The following GPR139 variants were observed in gnomAD, a reference collection of about 807,000 sequenced individuals.
GPR139 encodes G protein-coupled receptor 139.
In GPR139, 12 loss-of-function variants were observed where a neutral mutation model predicts 25.8. The ratio of observed to expected loss-of-function variants is 0.47; its 90% CI spans 0.30 to 0.75. The LOEUF (loss-of-function observed/expected upper bound fraction) is 0.75, where lower values mean the gene tolerates loss of function less well. Ranked by LOEUF, GPR139 falls within the 30% of genes least tolerant of loss-of-function variation. GPR139 has a pLI of 0.07. For synonymous variants in GPR139, 184 were observed against 179.9 expected (o/e 1.02, Z -0.18); for missense variants, 380 against 450.2 (o/e 0.84, Z 1.41).
At chr16:20,035,839 G>A (rs901933043) in intron 1 of GPR139, among the ~76,000 whole-genome samples, 2 of 152,240 alleles carry the variant, frequency 1.3e-5, no homozygotes, top group Non-Finnish European at 2.9e-5. Context: ...TGCTTGCTTT[G>A]TAAGCATCCT....
chr16:20,032,148 G>T lies in GPR139; in HGVS notation c.649C>A (p.Arg217Ser). 6.2e-7 allele frequency: 1 copy of T among 1,614,200 alleles called. No individual in the cohort carries two copies. The highest frequency in any genetic ancestry group is 8.5e-7 in the Non-Finnish European group (1 of 1,180,034). The change falls in exon 2 of 2, where the codon CGT becomes AGT. Residue 217 changes from arginine to serine, a missense_variant. Arg to Ser is a moderately radical substitution (Grantham distance 110). Coordinates refer to ENST00000570682, the MANE Select transcript of GPR139 (RefSeq NM_001002911.4). ...VYKLRRKSNF[R>S]LRGYSTGKTT... Reference sequence around the variant, plus strand: ...TTCCCCGTGGAGTAGCCACGGAGACGAAAATTGCTCTTCCTCCTGAGCTTG... The same window carrying T: ...TTCCCCGTGGAGTAGCCACGGAGACTAAAATTGCTCTTCCTCCTGAGCTTG...
At chr16:20,060,177 T>C (rs2057406554) in intron 1 of GPR139, among the ~76,000 whole-genome samples, 4 of 152,144 alleles carry the variant, frequency 2.6e-5, no homozygotes, top group Admixed American at 2.6e-4. Context: ...GAGGCTGGAA[T>C]GCTAAAAGTT....
intron 1 of GPR139, among the ~76,000 whole-genome samples, chr16:20,054,092 T>A (rs1482515818): frequency 6.6e-6 from 1 of 152,212 alleles, no homozygotes. Flanking sequence ...GGCCACATTC[T>A]TAGTCCCTAG....
rs371060930 is a variant in GPR139, at chr16:20,032,351, A to G, written c.446T>C (p.Ile149Thr). Reference sequence around the variant, plus strand: ...GAAGCAGGTGATGTAAACACTTACAATGACTTTCCGGGTGCGGGCTGGGTA... The same window carrying G: ...GAAGCAGGTGATGTAAACACTTACAGTGACTTTCCGGGTGCGGGCTGGGTA... ...VSYPARTRKV[I>T]VSVYITCFLT... Residue 149 changes from isoleucine (I) to threonine (T), a missense_variant, in exon 2 of 2, where the codon ATT (isoleucine) becomes ACT (threonine). By Grantham distance (89) the Ile-to-Thr change is moderately conservative. Transcript: ENST00000570682. 20 of 1,614,096 alleles carry G rather than the reference A, an allele frequency of 1.2e-5. No homozygotes were observed. In the East Asian group the frequency reaches 1.3e-4, roughly 11 times the overall value.
intron 1 of GPR139, among the ~76,000 whole-genome samples, chr16:20,058,585 T>C (rs968598780): frequency 1.3e-5 from 2 of 152,178 alleles, no homozygotes; most frequent in African/African-American, 4.8e-5. Flanking sequence ...CTGCGAGCTA[T>C]GTCTGCCATT....
chr16:20,054,730 C>CT (rs1273555811), intron 1 of GPR139, among the ~76,000 whole-genome samples: 1 of 151,096 alleles, frequency 6.6e-6, no homozygotes, highest in East Asian at 1.9e-4. Flanking sequence ...TTCTTTCCTT[C>CT]TTTTTTCTTT....
rs142100378 is a variant in GPR139, at chr16:20,032,426, A to G, written c.371T>C (p.Ile124Thr). The G allele has an allele frequency of 3.5e-5, 57 of 1,614,080 alleles. No homozygotes were observed. The highest frequency in any genetic ancestry group is 4.4e-5 in the Non-Finnish European group (52 of 1,180,044). ...TSIWITVPLT[I>T]DRYIAVCHPL... is the part of the protein sequence containing the mutation. ...GTGGCAGACAGCGATATACCTGTCAATGGTTAACGGTACAGTAATCCATAT... is the reference window on the plus strand; with the variant it reads ...GTGGCAGACAGCGATATACCTGTCAGTGGTTAACGGTACAGTAATCCATAT... The change falls in exon 2 of 2, where the codon ATT becomes ACT. Residue 124 changes from isoleucine (I) to threonine (T), a missense_variant. By Grantham distance (89) the Ile-to-Thr change is moderately conservative. Transcript: ENST00000570682.
intron 1 of GPR139, among the ~76,000 whole-genome samples, chr16:20,065,086 G>T (rs1454129562): frequency 6.6e-6 from 1 of 151,674 alleles, no homozygotes; most frequent in African/African-American, 2.4e-5. Context: ...TGACCCCATT[G>T]GTGTTTTTTG....
At chr16:20,056,762 C>T (rs780774363) in intron 1 of GPR139, among the ~76,000 whole-genome samples, 12 of 152,092 alleles carry the variant, frequency 7.9e-5, no homozygotes, top group South Asian at 2.1e-4. Context: ...TCTAAGTACT[C>T]GACTGAAATT....
intron 1 of GPR139, among the ~76,000 whole-genome samples, chr16:20,055,408 C>T (rs1252265950): frequency 2.0e-5 from 3 of 152,196 alleles, no homozygotes; most frequent in Non-Finnish European, 4.4e-5. Context: ...CACTCTGTCT[C>T]CTGGGTCCCC....
In GPR139 at chr16:20,030,167, A is replaced by G. The variant is rs557651357; in HGVS notation, c.*1568T>C. On this transcript the variant is annotated 3_prime_UTR_variant, in exon 2 of 2. Transcript: ENST00000570682. Reference sequence around the variant, plus strand: ...TTGCCATGGGGCCTTTTCTTATCCCATTCATTTATTGCAAATTCCCTTAAA... The same window carrying G: ...TTGCCATGGGGCCTTTTCTTATCCCGTTCATTTATTGCAAATTCCCTTAAA... Among the ~76,000 whole-genome samples the G allele has an allele frequency of 3.3e-5, 5 of 152,316 alleles. No individual in the cohort carries two copies. The East Asian group carries it at 7.7e-4, about 24-fold the overall frequency.
At chr16:20,041,053 T>G (rs1394534632) in intron 1 of GPR139, among the ~76,000 whole-genome samples, 2 of 148,940 alleles carry the variant, frequency 1.3e-5, no homozygotes, top group African/African-American at 2.5e-5. Flanking sequence ...GAGGTTGCAG[T>G]GAGCTGAGCT....
At chr16:20,058,181 T>TA (rs2057397995) in intron 1 of GPR139, among the ~76,000 whole-genome samples, 1 of 152,204 alleles carries the variant, frequency 6.6e-6, no homozygotes, top group African/African-American at 2.4e-5. Flanking sequence ...ATTTTACGGA[T>TA]ATGTAGAGGT....
chr16:20,066,398 G>A (rs1219797685), intron 1 of GPR139, among the ~76,000 whole-genome samples: 1 of 152,218 alleles, frequency 6.6e-6, no homozygotes, highest in Non-Finnish European at 1.5e-5. Flanking sequence ...ATTTCTAGGA[G>A]TTTCACTGAA....
chr16:20,073,806 G>T lies in GPR139; in HGVS notation c.-190C>A. The T allele has an allele frequency of 1.4e-6, 1 of 704,700 alleles. No individual in the cohort carries two copies. Among genetic ancestry groups the T allele is most frequent in the Non-Finnish European group, 2.1e-6 (1 of 469,084 alleles). The allele number at this position is 704,700 out of a possible 1,614,324, so 43.7% of individuals were successfully genotyped here. A position where few individuals can be genotyped will look rare whatever the true frequency, so the allele number is the denominator to read the frequency against. ...TCCGCACCTGCCCGCCTGGAGTCTTGGCTCAGCCCTCCCGCAGGGCGCGGG... is the reference window on the plus strand; with the variant it reads ...TCCGCACCTGCCCGCCTGGAGTCTTTGCTCAGCCCTCCCGCAGGGCGCGGG... On this transcript the variant is annotated 5_prime_UTR_variant, in exon 1 of 2. Coordinates refer to ENST00000570682, the MANE Select transcript of GPR139 (RefSeq NM_001002911.4). This position sits in a 1 kb window ranked among gnomAD's most constrained non-coding sequence, Gnocchi z 4.7.
At chr16:20,035,261 C>T (rs1466428929) in intron 1 of GPR139, among the ~76,000 whole-genome samples, 1 of 152,108 alleles carries the variant, frequency 6.6e-6, no homozygotes, top group African/African-American at 2.4e-5. Flanking sequence ...AGCCAGGATT[C>T]AATCCCAGGA....
rs1031845036 is a variant in GPR139, at chr16:20,028,315, A to G, written c.*3420T>C. On this transcript the variant is annotated 3_prime_UTR_variant, in exon 2 of 2. Coordinates refer to ENST00000570682, the MANE Select transcript of GPR139 (RefSeq NM_001002911.4). ...ACATCACATTGTATCCCATAAATGT[A>G]TACAATTATGATTTATCAATTAAAA... Among the ~76,000 whole-genome samples, 1 of 152,238 alleles carries G rather than the reference A, an allele frequency of 6.6e-6. No individual in the cohort carries two copies.
rs549810848 is a variant in GPR139 at position 20,034,040 on chromosome 16, C to T, written c.128-1371G>A. 7.9e-5 allele frequency among the ~76,000 whole-genome samples: 12 copies of T among 152,118 alleles called. No homozygotes were observed. The South Asian group carries it at 2.3e-3, about 29-fold the overall frequency. On this transcript the variant is annotated intron_variant, in intron 1 of 1. Transcript: ENST00000570682. The stretch of plus-strand genomic sequence containing the variant: ...CATATTTAGAAAGTCATTAGGGACT[C>T]ACTCTGAAATGATATTCCAATGGAT...
intron 1 of GPR139, among the ~76,000 whole-genome samples, chr16:20,061,264 T>G (rs1245482678): frequency 6.6e-6 from 1 of 151,540 alleles, no homozygotes; most frequent in Non-Finnish European, 1.5e-5. Context: ...GATGGATGGA[T>G]GGATGGCTGT....
Sources: allele counts gnomAD v4.1 joint callset (sites outside exome capture counted in the v4.1 genomes callset), GRCh38; gene constraint gnomAD v4.1.1; non-coding constraint Gnocchi (gnomAD v3.1); transcripts MANE v1.5; gene names NCBI Gene and HGNC (gene_info 2026-07-23, HGNC 2026-07-21).